The following RAI1 variants were observed in gnomAD, a reference collection of about 807,000 sequenced individuals.
RAI1 encodes retinoic acid-induced protein 1.
RAI1 carries 9 observed loss-of-function variants against 123.8 expected under a neutral mutation model. That is an observed-to-expected ratio of 0.07 (90% CI 0.04 to 0.13). The LOEUF (loss-of-function observed/expected upper bound fraction) is 0.13, where lower values mean the gene tolerates loss of function less well. RAI1 is among the 10% of genes least tolerant of loss of function. The probability of loss-of-function intolerance (pLI) is 1.00; values close to 1 mark genes in which losing one functional copy is unlikely to be tolerated. For synonymous variants in RAI1, 1,231 were observed against 1,127.3 expected (o/e 1.09, Z -1.84); for missense variants, 2,256 against 2,545.8 (o/e 0.89, Z 2.45).
Position 17,793,898 on chromosome 17 carries a change from A to G in RAI1, c.950A>G (p.Gln317Arg), listed in dbSNP as rs1369983998. Reference sequence around the variant, plus strand: ...GCCAAGTATCAGCACTACGGGCAGCAAGGCCAGGGCTACTGCCAGCCGGAC... The same window carrying G: ...GCCAAGTATCAGCACTACGGGCAGCGAGGCCAGGGCTACTGCCAGCCGGAC... Reference protein sequence around the residue: ...NLAKYQHYGQQGQGYCQPDAA... With the variant: ...NLAKYQHYGQRGQGYCQPDAA... The change falls in exon 3 of 6, where the codon CAA becomes CGA. Residue 317 changes from glutamine (Q) to arginine (R), a missense_variant. Physicochemically the swap from Gln to Arg is conservative, Grantham distance 43 (BLOSUM62 1). Around this residue, in one of 7 missense-constraint regions of RAI1, gnomAD observed 357 missense variants for 480.2 expected, o/e 0.74. Coordinates refer to ENST00000353383, the MANE Select transcript of RAI1 (RefSeq NM_030665.4). 1 of 1,613,840 alleles carries G rather than the reference A, an allele frequency of 6.2e-7. No individual in the cohort carries two copies. The highest frequency in any genetic ancestry group is 2.2e-5 in the East Asian group (1 of 44,886).
chr17:17,746,216 C>A (rs908808917), intron 2 of RAI1, among the ~76,000 whole-genome samples: 2 of 152,230 alleles, frequency 1.3e-5, no homozygotes, highest in Non-Finnish European at 2.9e-5. Flanking sequence ...TGCCACCGTG[C>A]CCCCACTCGC....
At chr17:17,750,614 G>C (rs1264622719) in intron 2 of RAI1, among the ~76,000 whole-genome samples, 2 of 149,038 alleles carry the variant, frequency 1.3e-5, no homozygotes, top group African/African-American at 2.5e-5. Flanking sequence ...CCAGCAACTT[G>C]GGAGGCTGAG....
At chr17:17,804,727 G>A (rs528060390) in intron 4 of RAI1, among the ~76,000 whole-genome samples, 3 of 152,194 alleles carry the variant, frequency 2.0e-5, no homozygotes, top group East Asian at 1.9e-4. Flanking sequence ...GGGTGCAGTC[G>A]TGGCTCACTG....
At chr17:17,764,630 G>A (rs944365994) in intron 2 of RAI1, among the ~76,000 whole-genome samples, 7 of 152,148 alleles carry the variant, frequency 4.6e-5, no homozygotes, top group East Asian at 1.9e-4. Context: ...CTGCCACCAC[G>A]CCTAACTAAT....
chr17:17,721,222 T>C (rs985266084), intron 1 of RAI1, among the ~76,000 whole-genome samples: 2 of 152,126 alleles, frequency 1.3e-5, no homozygotes, highest in African/African-American at 4.8e-5. Context: ...AAGAGAAAAC[T>C]TGGGCTTGGT....
At chr17:17,759,975 C>T (rs2030619379) in intron 2 of RAI1, among the ~76,000 whole-genome samples, 1 of 152,198 alleles carries the variant, frequency 6.6e-6, no homozygotes, top group Non-Finnish European at 1.5e-5. Flanking sequence ...TCAGGGAGGG[C>T]TTCCTGGAGG....
In RAI1 at chr17:17,793,138, G is replaced by C. The variant is rs779697086; in HGVS notation, c.190G>C (p.Gly64Arg). 6.2e-7 allele frequency: 1 copy of C among 1,613,820 alleles called. No homozygotes were observed. Among genetic ancestry groups the C allele is most frequent in the Non-Finnish European group, 8.5e-7 (1 of 1,180,016 alleles). ...QPYPSYEGGA[G>R]TPSGTAAAVA... ...TTACCCGAGCTATGAGGGTGGCGCTGGCACGCCCTCTGGCACTGCAGCCGC... is the reference window on the plus strand; with the variant it reads ...TTACCCGAGCTATGAGGGTGGCGCTCGCACGCCCTCTGGCACTGCAGCCGC... The change falls in exon 3 of 6, where the codon GGC becomes CGC. Residue 64 changes from glycine (G) to arginine (R), a missense_variant. Physicochemically the swap from Gly to Arg is moderately radical, Grantham distance 125. This residue lies in a region of RAI1 where 336 missense variants were observed against 349.8 expected (regional missense o/e 0.96). Transcript: ENST00000353383.
chr17:17,694,608 G>T (rs1026427707), intron 1 of RAI1, among the ~76,000 whole-genome samples: 4 of 151,676 alleles, frequency 2.6e-5, no homozygotes, highest in African/African-American at 9.7e-5. Context: ...CGCGCTTCCT[G>T]CCGGTCCCGC....
chr17:17,692,766 G>A (rs1244152733), intron 1 of RAI1, among the ~76,000 whole-genome samples: 1 of 152,172 alleles, frequency 6.6e-6, no homozygotes, highest in Admixed American at 6.5e-5. Flanking sequence ...CATCTATCAA[G>A]TGGGCATAAT....
intron 1 of RAI1, among the ~76,000 whole-genome samples, chr17:17,689,226 GGGATTATA>G (rs1914757247): frequency 6.6e-6 from 1 of 152,178 alleles, no homozygotes; most frequent in African/African-American, 2.4e-5. Context: ...CCAAAGTGCA[GGGATTATA>G]GGCGTGAGGT....
chr17:17,741,155 G>A (rs369799524), intron 2 of RAI1, among the ~76,000 whole-genome samples: 2 of 151,912 alleles, frequency 1.3e-5, no homozygotes, highest in African/African-American at 4.8e-5. Flanking sequence ...ACACTTAAGC[G>A]CACACGTACA....
chr17:17,792,210 C>A (rs951493243), intron 2 of RAI1, among the ~76,000 whole-genome samples: 1 of 152,218 alleles, frequency 6.6e-6, no homozygotes, highest in Non-Finnish European at 1.5e-5. Context: ...GAGGAGGGGA[C>A]ATTTTATGTC....
chr17:17,797,298 A>T lies in RAI1; in HGVS notation c.4350A>T (p.Lys1450Asn). 1 of 1,612,632 alleles carries T rather than the reference A, an allele frequency of 6.2e-7. No homozygotes were observed. The highest frequency in any genetic ancestry group is 8.5e-7 in the Non-Finnish European group (1 of 1,179,930). The change falls in exon 3 of 6, where the codon AAA (lysine) becomes AAT (asparagine). Residue 1450 changes from lysine (K) to asparagine (N), a missense_variant. By Grantham distance (94) the Lys-to-Asn change is moderately conservative. Coordinates refer to ENST00000353383, the MANE Select transcript of RAI1 (RefSeq NM_030665.4). ...TGGCGCCTAAGAAGAGGAGCCGGAAAGGCCGGGCAGGGGCCCATGGACTCT... is the reference window on the plus strand; with the variant it reads ...TGGCGCCTAAGAAGAGGAGCCGGAATGGCCGGGCAGGGGCCCATGGACTCT... ...TALAPKKRSR[K>N]GRAGAHGLSK... is the part of the protein sequence containing the mutation.
At chr17:17,806,899 G>A (rs1049946319) in intron 4 of RAI1, among the ~76,000 whole-genome samples, 4 of 152,190 alleles carry the variant, frequency 2.6e-5, no homozygotes, top group Non-Finnish European at 4.4e-5. Flanking sequence ...ACCTGGGTGC[G>A]GGGAGGGGAC....
At chr17:17,757,412 A>G (rs2030481661) in intron 2 of RAI1, among the ~76,000 whole-genome samples, 1 of 152,088 alleles carries the variant, frequency 6.6e-6, no homozygotes, top group Non-Finnish European at 1.5e-5. Flanking sequence ...CCTTCTACAG[A>G]CCAGTTCAAT....
In RAI1 at chr17:17,809,472, G is replaced by C. The variant is rs772211488; in HGVS notation, c.5709+33G>C. 5.8e-6 allele frequency: 9 copies of C among 1,561,280 alleles called. No homozygotes were observed. In the South Asian group the frequency reaches 1.0e-4, roughly 17 times the overall value. On this transcript the variant is annotated intron_variant, in intron 5 of 5. Coordinates refer to ENST00000353383, the MANE Select transcript of RAI1 (RefSeq NM_030665.4). This position sits in a 1 kb window ranked among gnomAD's most constrained non-coding sequence, Gnocchi z 4.9. The stretch of plus-strand genomic sequence containing the variant: ...ACCACAGTGTTTTGTAGGGCGAGGG[G>C]TGTCAAGCGGGAGAGGAGCCCCACC...
chr17:17,686,839 G>C (rs562875041), intron 1 of RAI1, among the ~76,000 whole-genome samples: 2 of 152,020 alleles, frequency 1.3e-5, no homozygotes, highest in African/African-American at 4.8e-5. Flanking sequence ...ACCACCATCA[G>C]CCATGCCTTC....
chr17:17,790,429 G>A (rs1305024850), intron 2 of RAI1, among the ~76,000 whole-genome samples: 2 of 152,194 alleles, frequency 1.3e-5, no homozygotes, highest in East Asian at 3.9e-4. Context: ...GCATCCAGCT[G>A]CTCGTGTGTA....
At chr17:17,785,473 C>T (rs1250828662) in intron 2 of RAI1, among the ~76,000 whole-genome samples, 1 of 152,230 alleles carries the variant, frequency 6.6e-6, no homozygotes, top group Non-Finnish European at 1.5e-5. Context: ...AGGCTACGTT[C>T]TAGTGAGGGA....
Sources: allele counts gnomAD v4.1 joint callset (sites outside exome capture counted in the v4.1 genomes callset), GRCh38; gene constraint gnomAD v4.1.1; regional missense constraint gnomAD v4.1.1; non-coding constraint Gnocchi (gnomAD v3.1); transcripts MANE v1.5; gene names NCBI Gene and HGNC (gene_info 2026-07-23, HGNC 2026-07-21).